The following POLQ variants were observed in gnomAD, a reference collection of about 807,000 sequenced individuals.
POLQ encodes the protein epididymis secretory sperm binding protein.
POLQ carries 233 observed loss-of-function variants against 259.2 expected under a neutral mutation model. The ratio of observed to expected loss-of-function variants is 0.90; its 90% confidence interval spans 0.81 to 1.00. POLQ has a LOEUF of 1.00. Ranked by LOEUF, POLQ falls within the 50% of genes least tolerant of loss-of-function variation. POLQ has a pLI of 0.00. For missense variants in POLQ, 2,871 were observed against 3,051.6 expected, an observed-to-expected ratio of 0.94 and a Z score of 1.39; for synonymous variants, 1,025 against 1,048.8, an observed-to-expected ratio of 0.98 and a Z score of 0.44.
chr3:121,483,529 C>T lies in POLQ; in HGVS notation c.5827G>A (p.Asp1943Asn), dbSNP rs1429682647. The T allele has an allele frequency of 6.3e-7, 1 of 1,592,558 alleles. No homozygotes were observed. ...CAAGATTGAAGGTACCACATCCTGTCTTTCAAAGTCAGGCTTGGATCTAAA... is the reference window on the plus strand; with the variant it reads ...CAAGATTGAAGGTACCACATCCTGTTTTTCAAAGTCAGGCTTGGATCTAAA... ...PSLDPSLTLK[D>N]RMWYLQSCLR... is the part of the protein sequence containing the mutation. The change falls in exon 18 of 30, where the codon GAC (aspartate) becomes AAC (asparagine). Residue 1943 changes from aspartate to asparagine, a missense_variant. Around this residue, in one of 3 missense-constraint regions of POLQ, gnomAD observed 2,080 missense variants for 2,126.0 expected, o/e 0.98. Coordinates refer to ENST00000264233, the MANE Select transcript of POLQ (RefSeq NM_199420.4).
intron 7 of POLQ, among the ~76,000 whole-genome samples, chr3:121,523,881 CAG>C (rs1243658925): frequency 2.0e-5 from 3 of 151,876 alleles, no homozygotes; most frequent in South Asian, 2.1e-4. Flanking sequence ...TAAGGAATCA[CAG>C]AGAGTTGCCA....
rs751166841 is a variant in POLQ, at chr3:121,490,361, C to T, written c.2570G>A (p.Arg857His). The T allele has an allele frequency of 6.2e-7, 1 of 1,614,228 alleles. No homozygotes were observed. The highest frequency in any genetic ancestry group is 8.5e-7 in the Non-Finnish European group (1 of 1,180,036). Residue 857 changes from arginine (R) to histidine (H), a missense_variant, in exon 16 of 30, where the codon CGC (arginine) becomes CAC (histidine). Around this residue, in one of 3 missense-constraint regions of POLQ, gnomAD observed 2,080 missense variants for 2,126.0 expected, o/e 0.98. Coordinates refer to ENST00000264233, the MANE Select transcript of POLQ (RefSeq NM_199420.4). ...AGTCACCCAGATAGTTCGCATATTG[C>T]GACGTTCTTCAACTGCTTCCTCTTC... The part of the protein sequence containing the change: ...DEEEEAVEER[R>H]NMRTIWVTGR...
At chr3:121,533,853 C>T (rs968316229) in intron 5 of POLQ, among the ~76,000 whole-genome samples, 1 of 151,384 alleles carries the variant, frequency 6.6e-6, no homozygotes, top group African/African-American at 2.4e-5. Flanking sequence ...TCCCTGATAA[C>T]CAATGAGACT....
At chr3:121,468,847 C>A (rs2047860272) in intron 22 of POLQ, among the ~76,000 whole-genome samples, 1 of 152,182 alleles carries the variant, frequency 6.6e-6, no homozygotes, top group Non-Finnish European at 1.5e-5. Context: ...CATCATCTGG[C>A]TGTTTTTCTT....
At chr3:121,448,666 T>A (rs892348770) in intron 26 of POLQ, among the ~76,000 whole-genome samples, 4 of 152,098 alleles carry the variant, frequency 2.6e-5, no homozygotes, top group African/African-American at 7.2e-5. Flanking sequence ...TGCCTAGTAT[T>A]GTATTGCTTG....
intron 5 of POLQ, among the ~76,000 whole-genome samples, chr3:121,536,691 C>T (rs1362678616): frequency 6.6e-6 from 1 of 152,204 alleles, no homozygotes; most frequent in African/African-American, 2.4e-5. Context: ...GTTGCCCAGG[C>T]TAGAGTAAAG....
intron 1 of POLQ, among the ~76,000 whole-genome samples, chr3:121,545,399 G>A (rs2048524699): frequency 6.6e-6 from 1 of 152,100 alleles, no homozygotes. Flanking sequence ...CTGTCTTAAG[G>A]GTCTGTAAGG....
intron 13 of POLQ, among the ~76,000 whole-genome samples, chr3:121,498,085 T>G (rs1576417930): frequency 6.6e-6 from 1 of 151,610 alleles, no homozygotes; most frequent in Non-Finnish European, 1.5e-5. Context: ...CGGAGGCGGG[T>G]GGATCACCTG....
At chr3:121,509,841 A>C (rs552307287) in intron 11 of POLQ, 138 bp from the exon 12 acceptor site, 1 of 908,204 alleles carries the variant, frequency 1.1e-6, no homozygotes, top group African/African-American at 1.7e-5. Context: ...GAGCATGAAA[A>C]TGTATGAGCA....
At chr3:121,471,113 C>T (rs2047880382) in intron 22 of POLQ, among the ~76,000 whole-genome samples, 1 of 152,222 alleles carries the variant, frequency 6.6e-6, no homozygotes, top group African/African-American at 2.4e-5. Flanking sequence ...TTTTCTTCCA[C>T]TACACATCAC....
chr3:121,536,804 C>T (rs2048454619), intron 5 of POLQ, among the ~76,000 whole-genome samples: 1 of 152,004 alleles, frequency 6.6e-6, no homozygotes, highest in South Asian at 2.1e-4. Context: ...GCCACCATGC[C>T]CAGCTAATTT....
At chr3:121,511,864 T>C (rs756092104) in intron 10 of POLQ, 23 bp downstream of exon 10, 1 of 1,579,108 alleles carries the variant, frequency 6.3e-7, no homozygotes. Flanking sequence ...GAGCAAATGG[T>C]AATTTAGTAA....
Position 121,489,790 on chromosome 3 carries a change from A to T in POLQ, c.3141T>A (p.His1047Gln). 1 of 1,612,908 alleles carries T rather than the reference A, an allele frequency of 6.2e-7. No individual in the cohort carries two copies. Among genetic ancestry groups the T allele is most frequent in the Non-Finnish European group, 8.5e-7 (1 of 1,179,858 alleles). ...GGCTGCTGTCCCTAGATCGCTTTAG[A>T]TGCTTTCTACGTTTCCAAGATCGAA... ...RSFRSWKRRK[H>Q]LKRSRDSSPL... The change falls in exon 16 of 30, where the codon CAT (histidine) becomes CAA (glutamine). Residue 1047 changes from histidine to glutamine, a missense_variant. By Grantham distance (24) the His-to-Gln change is conservative (BLOSUM62 0). Transcript: ENST00000264233.
intron 9 of POLQ, among the ~76,000 whole-genome samples, chr3:121,514,375 A>C (rs1399880877): frequency 6.6e-6 from 1 of 151,594 alleles, no homozygotes; most frequent in African/African-American, 2.4e-5. Flanking sequence ...AAAAAAAAAA[A>C]AAAACCCAAA....
At chr3:121,440,178 G>A in intron 26 of POLQ, 62 bp from the exon 27 acceptor site, 1 of 1,357,420 alleles carries the variant, frequency 7.4e-7, no homozygotes, top group Non-Finnish European at 1.0e-6. Context: ...TTCATTCACT[G>A]GCTTAAATAT....
At chr3:121,495,068 T>C (rs1356423001) in intron 14 of POLQ, among the ~76,000 whole-genome samples, 1 of 151,974 alleles carries the variant, frequency 6.6e-6, no homozygotes, top group East Asian at 1.9e-4. Context: ...GGTCAGGACT[T>C]TGAGACCAGC....
At chr3:121,463,240 T>TGA (rs2047807453) in intron 24 of POLQ, among the ~76,000 whole-genome samples, 1 of 152,176 alleles carries the variant, frequency 6.6e-6, no homozygotes, top group African/African-American at 2.4e-5. Flanking sequence ...TCACGAGATC[T>TGA]GATGGTTTTA....
chr3:121,454,419 T>A (rs905453866), intron 25 of POLQ, among the ~76,000 whole-genome samples: 5 of 152,148 alleles, frequency 3.3e-5, no homozygotes, highest in Non-Finnish European at 4.4e-5. Flanking sequence ...AATGCTCCAA[T>A]TAAAAGACAC....
At chr3:121,540,610 A>T (rs2048483128) in intron 3 of POLQ, among the ~76,000 whole-genome samples, 1 of 152,170 alleles carries the variant, frequency 6.6e-6, no homozygotes, top group Non-Finnish European at 1.5e-5. Context: ...GCACCAATGG[A>T]TCTTGACCTT....
Sources: allele counts gnomAD v4.1 joint callset (sites outside exome capture counted in the v4.1 genomes callset), GRCh38; gene constraint gnomAD v4.1.1; regional missense constraint gnomAD v4.1.1; transcripts MANE v1.5; gene names NCBI Gene and HGNC (gene_info 2026-07-23, HGNC 2026-07-21).